The following NRXN1 variants were observed in gnomAD, a reference collection of about 807,000 sequenced individuals.
NRXN1 encodes the protein neurexin 1, also known as neurexin-1.
A neutral mutation model predicts 150.9 loss-of-function variants in NRXN1; 39 were observed. That is an observed-to-expected ratio of 0.26 (90% CI 0.20 to 0.34). The LOEUF is 0.34. Ranked by LOEUF, NRXN1 falls within the 10% of genes least tolerant of loss-of-function variation. The pLI is 1.00. For synonymous variants in NRXN1, 924 were observed against 757.0 expected, an observed-to-expected ratio of 1.22 and a Z score of -3.62; for missense variants, 1,815 against 1,949.9, an observed-to-expected ratio of 0.93 and a Z score of 1.30.
At chr2:50,362,824 C>T (rs1460350142) in intron 17 of NRXN1, among the ~76,000 whole-genome samples, 4 of 152,170 alleles carry the variant, frequency 2.6e-5, no homozygotes, top group African/African-American at 7.2e-5. Context: ...AGAGGCATCA[C>T]GCTACCTGAC....
intron 17 of NRXN1, among the ~76,000 whole-genome samples, chr2:50,396,876 C>G (rs917264417): frequency 1.3e-5 from 2 of 152,014 alleles, no homozygotes; most frequent in African/African-American, 4.8e-5. Flanking sequence ...ACATAGAAGA[C>G]GAGTATTTTT....
intron 5 of NRXN1, among the ~76,000 whole-genome samples, chr2:50,729,728 A>C (rs1316382213): frequency 1.3e-5 from 2 of 152,186 alleles, no homozygotes; most frequent in African/African-American, 4.8e-5. Context: ...TAGAGTTGCT[A>C]TCTGACACCC....
At chr2:50,511,427 C>G (rs919077815) in intron 12 of NRXN1, among the ~76,000 whole-genome samples, 1 of 152,134 alleles carries the variant, frequency 6.6e-6, no homozygotes, top group Non-Finnish European at 1.5e-5. Flanking sequence ...TCAAGGCACA[C>G]CAAAATCTGA....
intron 21 of NRXN1, among the ~76,000 whole-genome samples, chr2:49,952,736 T>C (rs1382859215): frequency 6.6e-6 from 1 of 152,106 alleles, no homozygotes; most frequent in African/African-American, 2.4e-5. Context: ...CTCTTCTCAT[T>C]AAGCCACTGA....
Position 50,986,548 on chromosome 2 carries a change from A to G in NRXN1, c.772+40954T>C, listed in dbSNP as rs17041159. ...CATGTGTTGTTACATTGTGAATACT[A>G]AACATTAACATAGTGAGAAAAATAT... is the stretch of plus-strand genomic sequence containing the variant. On this transcript the variant is annotated intron_variant, in intron 2 of 22. Coordinates refer to ENST00000401669, the MANE Select transcript of NRXN1 (RefSeq NM_001330078.2). Among the ~76,000 whole-genome samples the G allele has an allele frequency of 7.6e-4, 116 of 151,826 alleles. 1 individual carries two copies. The East Asian group carries it at 0.021, about 27-fold the overall frequency.
rs190399251 is a variant in NRXN1 at position 50,132,979 on chromosome 2, T to A, written c.3547-41485A>T. 4.6e-5 allele frequency among the ~76,000 whole-genome samples: 7 copies of A among 152,066 alleles called. No homozygotes were observed. The East Asian group carries it at 1.4e-3, about 30-fold the overall frequency. ...AACACTTGATGAGATAGAAAGGAGCTGCGTAACATTATACTTCGTTTGGGT... is the reference window on the plus strand; with the variant it reads ...AACACTTGATGAGATAGAAAGGAGCAGCGTAACATTATACTTCGTTTGGGT... On this transcript the variant is annotated intron_variant, in intron 18 of 22. Transcript: ENST00000401669.
chr2:50,607,002 G>A (rs935357461), intron 8 of NRXN1, among the ~76,000 whole-genome samples: 4 of 151,980 alleles, frequency 2.6e-5, no homozygotes, highest in African/African-American at 4.8e-5. Context: ...TAGGGGTGGT[G>A]GTGGTATTTT....
At chr2:50,810,147 A>AATC (rs1668017388) in intron 5 of NRXN1, among the ~76,000 whole-genome samples, 1 of 152,178 alleles carries the variant, frequency 6.6e-6, no homozygotes, top group South Asian at 2.1e-4. Context: ...AATCTTTTGA[A>AATC]ATCATCTGTT....
intron 17 of NRXN1, among the ~76,000 whole-genome samples, chr2:50,332,456 A>C (rs1307011099): frequency 6.6e-6 from 1 of 152,178 alleles, no homozygotes; most frequent in African/African-American, 2.4e-5. Flanking sequence ...GTATCTTAAC[A>C]TCACCTCCTA....
intron 18 of NRXN1, among the ~76,000 whole-genome samples, chr2:50,092,893 C>T (rs578158416): frequency 2.3e-4 from 35 of 151,968 alleles, no homozygotes; most frequent in Non-Finnish European, 4.7e-4. Context: ...TTAGGCTTGA[C>T]GGATGGTTTA....
At chr2:50,583,195 C>T (rs981477502) in intron 8 of NRXN1, among the ~76,000 whole-genome samples, 5 of 151,962 alleles carry the variant, frequency 3.3e-5, no homozygotes, top group Non-Finnish European at 5.9e-5. Flanking sequence ...GGACTACAGA[C>T]ACCTGGCTAA....
intron 17 of NRXN1, among the ~76,000 whole-genome samples, chr2:50,372,907 C>T (rs961904636): frequency 6.6e-6 from 1 of 152,120 alleles, no homozygotes; most frequent in Non-Finnish European, 1.5e-5. Flanking sequence ...ACTTCAAAAA[C>T]ACACCTTACC....
At chr2:50,542,845 C>T (rs1388499974) in intron 9 of NRXN1, among the ~76,000 whole-genome samples, 1 of 152,040 alleles carries the variant, frequency 6.6e-6, no homozygotes, top group East Asian at 1.9e-4. Flanking sequence ...ATTCACCTAG[C>T]AAAAGAGTCA....
chr2:50,460,825 T>C (rs970968520), intron 17 of NRXN1, among the ~76,000 whole-genome samples: 1 of 152,052 alleles, frequency 6.6e-6, no homozygotes, highest in South Asian at 2.1e-4. Context: ...TTTAAACAGC[T>C]TAAGGGCTTC....
intron 5 of NRXN1, among the ~76,000 whole-genome samples, chr2:50,898,768 G>GA (rs1279551229): frequency 3.3e-5 from 5 of 151,742 alleles, no homozygotes; most frequent in African/African-American, 1.2e-4. Flanking sequence ...AGTGTTGATG[G>GA]ACATCATTAA....
chr2:50,344,016 G>A (rs556352505), intron 17 of NRXN1, among the ~76,000 whole-genome samples: 403 of 152,204 alleles, frequency 2.6e-3, no homozygotes, highest in Non-Finnish European at 4.1e-3. Flanking sequence ...TGTCATTAAC[G>A]TTTGTGCTTT....
chr2:50,611,649 A>C (rs1429725913), intron 8 of NRXN1, among the ~76,000 whole-genome samples: 3 of 152,196 alleles, frequency 2.0e-5, no homozygotes, highest in Non-Finnish European at 4.4e-5. Flanking sequence ...ACTTTAGAAA[A>C]TCTAAAAATC....
At chr2:50,387,776 T>G (rs764936337) in intron 17 of NRXN1, among the ~76,000 whole-genome samples, 13 of 152,184 alleles carry the variant, frequency 8.5e-5, no homozygotes, top group Non-Finnish European at 1.9e-4. Flanking sequence ...TTTCAAGATA[T>G]TTTTAAACAC....
rs537795691 is a variant in NRXN1, at chr2:50,520,673, T to C, written c.2374+7952A>G. On this transcript the variant is annotated intron_variant, in intron 12 of 22. Transcript: ENST00000401669. ...TACTTAATTGATTGCATAAAGAATT[T>C]CTTGATTACCAATATATTATTTTTA... 3.9e-5 allele frequency among the ~76,000 whole-genome samples: 6 copies of C among 152,108 alleles called. No individual in the cohort carries two copies. The East Asian group carries it at 1.2e-3, about 29-fold the overall frequency.
Sources: allele counts gnomAD v4.1 joint callset (sites outside exome capture counted in the v4.1 genomes callset), GRCh38; gene constraint gnomAD v4.1.1; transcripts MANE v1.5; gene names NCBI Gene and HGNC (gene_info 2026-07-23, HGNC 2026-07-21).